UGT2B7: variants seen among roughly 807,000 people sequenced by gnomAD.
The protein encoded by UGT2B7 is UDP-glucuronosyltransferase 2B7.
UGT2B7 carries 51 observed loss-of-function variants against 51.9 expected under a neutral mutation model. The ratio of observed to expected loss-of-function variants is 0.98; its 90% CI spans 0.78 to 1.24. The LOEUF is 1.24. Ranked by LOEUF, UGT2B7 falls within the 50% of genes most tolerant of loss-of-function variation. UGT2B7 has a pLI of 0.00. For synonymous variants in UGT2B7, 225 were observed against 211.6 expected (o/e 1.06, Z -0.55); for missense variants, 727 against 628.4 (o/e 1.16, Z -1.68).
intron 1 of UGT2B7, among the ~76,000 whole-genome samples, chr4:69,059,271 C>T (rs574729917): frequency 6.6e-5 from 10 of 152,274 alleles, no homozygotes; most frequent in Admixed American, 3.9e-4. Context: ...ATTGTGGGAG[C>T]CACTGGAGTC....
At chr4:69,094,806 C>A (rs1719177198), upstream of UGT2B7, among the ~76,000 whole-genome samples, 1 of 152,172 alleles carries the variant, frequency 6.6e-6, no homozygotes, top group African/African-American at 2.4e-5. Context: ...GATCTTCTTT[C>A]AAAATTGGAA....
At chr4:69,097,282 A>C (rs1297455123) in intron 1 of UGT2B7, 41 bp downstream of exon 1, 1 of 1,581,236 alleles carries the variant, frequency 6.3e-7, no homozygotes, top group Non-Finnish European at 8.6e-7. Flanking sequence ...GCTCTAACTT[A>C]TTTGTGTCTT....
intron 3 of UGT2B7, among the ~76,000 whole-genome samples, chr4:69,106,869 T>A (rs1051766929): frequency 3.0e-4 from 46 of 151,984 alleles, no homozygotes; most frequent in African/African-American, 1.1e-3. Context: ...CTTTTTTTTT[T>A]TCATATGATG....
intron 1 of UGT2B7, among the ~76,000 whole-genome samples, chr4:69,077,593 G>A (rs1335153908): frequency 6.8e-6 from 1 of 146,652 alleles, no homozygotes; most frequent in Non-Finnish European, 1.5e-5. Flanking sequence ...TTTTTTTATT[G>A]GTGTATAGGA....
chr4:69,111,455 C>T (rs1719768170), intron 5 of UGT2B7, among the ~76,000 whole-genome samples: 1 of 152,068 alleles, frequency 6.6e-6, no homozygotes, highest in South Asian at 2.1e-4. Context: ...ATTACTTTTT[C>T]GGAACTTAGA....
At chr4:69,061,423 C>A (rs1037408776) in intron 1 of UGT2B7, among the ~76,000 whole-genome samples, 1 of 152,212 alleles carries the variant, frequency 6.6e-6, no homozygotes, top group Non-Finnish European at 1.5e-5. Flanking sequence ...AGAGGCAAAG[C>A]AAGCTGCAAT....
At chr4:69,065,853 AT>A (rs942298346) in intron 1 of UGT2B7, among the ~76,000 whole-genome samples, 1 of 137,130 alleles carries the variant, frequency 7.3e-6, no homozygotes, top group Admixed American at 7.2e-5. Flanking sequence ...ATCATTAGTA[AT>A]TTTTTAATCT....
Position 69,096,822 on chromosome 4 carries a change from C to A in UGT2B7, c.302C>A (p.Pro101Gln), listed in dbSNP as rs770251825. The A allele has an allele frequency of 1.9e-6, 3 of 1,613,716 alleles. No individual in the cohort carries two copies. Among genetic ancestry groups the A allele is most frequent in the Non-Finnish European group, 2.5e-6 (3 of 1,179,848 alleles). The part of the protein sequence containing the change: ...MQQIKRWSDL[P>Q]KDTFWLYFSQ... ...CAGATTAAGAGATGGTCAGACCTTCCAAAAGATACATTTTGGTTATATTTT... is the reference window on the plus strand; with the variant it reads ...CAGATTAAGAGATGGTCAGACCTTCAAAAAGATACATTTTGGTTATATTTT... The change falls in exon 1 of 6, where the codon CCA becomes CAA. Residue 101 changes from proline to glutamine, a missense_variant. By Grantham distance (76) the Pro-to-Gln change is moderately conservative (BLOSUM62 -1). Transcript: ENST00000305231.
rs972436666 is a variant in UGT2B7, at chr4:69,077,578, C to G, written c.-158-11894C>G. 3.4e-5 allele frequency among the ~76,000 whole-genome samples: 5 copies of G among 148,864 alleles called. No homozygotes were observed. In the South Asian group the frequency reaches 1.0e-3, roughly 31 times the overall value. On this transcript the variant is annotated intron_variant, in intron 1 of 5. Transcript: ENST00000502942. ...ATGGGAGTTCACTCATGATTTGGCT[C>G]TCTTTTTTTTTATTGGTGTATAGGA... is the stretch of plus-strand genomic sequence containing the variant.
intron 2 of UGT2B7, 146 bp from the exon 3 acceptor site, chr4:69,102,657 CTGAG>C (rs1371590767): frequency 8.1e-7 from 1 of 1,234,116 alleles, no homozygotes; most frequent in Non-Finnish European, 1.1e-6. Flanking sequence ...TGCAAAAAAA[CTGAG>C]TGATTGGGTC....
upstream of UGT2B7, among the ~76,000 whole-genome samples, chr4:69,094,533 G>T (rs1194587623): frequency 6.6e-6 from 1 of 152,150 alleles, no homozygotes; most frequent in African/African-American, 2.4e-5. Context: ...AAAAATACAT[G>T]CCTTAATTTA....
At chr4:69,109,245 T>G (rs1719702727) in intron 5 of UGT2B7, among the ~76,000 whole-genome samples, 2 of 152,144 alleles carry the variant, frequency 1.3e-5, no homozygotes, top group South Asian at 2.1e-4. Context: ...TTTCCTTTCT[T>G]TAGGGTTGAT....
At chr4:69,062,567 A>T (rs1380532051) in intron 1 of UGT2B7, among the ~76,000 whole-genome samples, 1 of 152,084 alleles carries the variant, frequency 6.6e-6, no homozygotes, top group African/African-American at 2.4e-5. Context: ...CGTGCCTTGG[A>T]TCCACCACAG....
chr4:69,056,279 C>T (rs1215635872), intron 1 of UGT2B7, among the ~76,000 whole-genome samples: 3 of 152,054 alleles, frequency 2.0e-5, no homozygotes, highest in Non-Finnish European at 1.5e-5. Flanking sequence ...GATACTAGAC[C>T]CCCATCTAAA....
chr4:69,055,204 G>A (rs1386653843), intron 1 of UGT2B7, among the ~76,000 whole-genome samples: 1 of 149,710 alleles, frequency 6.7e-6, no homozygotes, highest in Non-Finnish European at 1.5e-5. Flanking sequence ...GATAAGATGT[G>A]GTTCTCTAAA....
intron 1 of UGT2B7, among the ~76,000 whole-genome samples, chr4:69,074,585 A>T (rs1274758896): frequency 6.6e-6 from 1 of 151,908 alleles, no homozygotes; most frequent in Non-Finnish European, 1.5e-5. Flanking sequence ...TTTCTGCAAC[A>T]TCCCTCATAT....
chr4:69,070,258 T>C (rs1285530159), intron 1 of UGT2B7, among the ~76,000 whole-genome samples: 1 of 147,522 alleles, frequency 6.8e-6, no homozygotes. Context: ...TTATATATTT[T>C]ATATATTATA....
chr4:69,088,424 A>C (rs974176221), intron 1 of UGT2B7, among the ~76,000 whole-genome samples: 2 of 151,994 alleles, frequency 1.3e-5, no homozygotes, highest in African/African-American at 2.4e-5. Flanking sequence ...TTTCTTGTCA[A>C]AAATTTTACG....
chr4:69,072,980 G>A (rs1577911618), intron 1 of UGT2B7, among the ~76,000 whole-genome samples: 2 of 152,138 alleles, frequency 1.3e-5, no homozygotes, highest in East Asian at 1.9e-4. Context: ...GAAAGTGGGG[G>A]AATGTAGAGG....
Sources: allele counts gnomAD v4.1 joint callset (sites outside exome capture counted in the v4.1 genomes callset), GRCh38; gene constraint gnomAD v4.1.1; transcripts MANE v1.5; gene names NCBI Gene and HGNC (gene_info 2026-07-23, HGNC 2026-07-21).